The following NFE2L3 variants were observed in gnomAD, a reference collection of about 807,000 sequenced individuals.
The protein encoded by NFE2L3 is nuclear factor erythroid 2-related factor 3.
A neutral mutation model predicts 23.5 loss-of-function variants in NFE2L3; 18 were observed. That is an observed-to-expected ratio of 0.77 (90% CI 0.53 to 1.13). NFE2L3 has a LOEUF of 1.13. NFE2L3 is among the 50% of genes most tolerant of loss of function. The pLI, the probability that NFE2L3 is intolerant of heterozygous loss-of-function variation, is 0.00. For synonymous variants in NFE2L3, 424 were observed against 354.5 expected (o/e 1.20, Z -2.20); for missense variants, 1,152 against 877.2 (o/e 1.31, Z -3.96).
rs774330049 is a variant in NFE2L3, at chr7:26,185,423, A to G, written c.1725A>G (p.Gln575=). ...MLSRYYLTDL[Q]VSLIRDIRRR... ...GTAGATATTATCTGACAGACCTACA[A>G]GTCTCACTTATCCGTGACATCAGAC... Residue 575 remains glutamine (Q), a synonymous_variant, in exon 4 of 4, where the codon CAA becomes CAG. Coordinates refer to ENST00000056233, the MANE Select transcript of NFE2L3 (RefSeq NM_004289.7). The G allele has an allele frequency of 1.9e-6, 3 of 1,614,170 alleles. No homozygotes were observed. Among genetic ancestry groups the G allele is most frequent in the Non-Finnish European group, 1.7e-6 (2 of 1,180,000 alleles).
Position 26,185,295 on chromosome 7 carries a change from A to G in NFE2L3, c.1597A>G (p.Arg533Gly), listed in dbSNP as rs1782453129. 1.2e-6 allele frequency: 2 copies of G among 1,614,140 alleles called. No homozygotes were observed. The highest frequency in any genetic ancestry group is 2.2e-5 in the South Asian group (2 of 91,078). Residue 533 changes from arginine to glycine, a missense_variant, in exon 4 of 4, where the codon AGA (arginine) becomes GGA (glycine). Arg to Gly is a moderately radical substitution (Grantham distance 125). Coordinates refer to ENST00000056233, the MANE Select transcript of NFE2L3 (RefSeq NM_004289.7). ...GAGTAGATACCTTGAAGACACAGAT[A>G]GAAACTTGAGCCGTGATGAACAGCG... ...IRSRYLEDTD[R>G]NLSRDEQRAK...
chr7:26,166,362 T>G (rs1266457523), intron 1 of NFE2L3, among the ~76,000 whole-genome samples: 1 of 152,140 alleles, frequency 6.6e-6, no homozygotes, highest in Non-Finnish European at 1.5e-5. Context: ...TGCTCTAGCC[T>G]TCCCCTGGTG....
chr7:26,153,182 C>T (rs542602801), intron 1 of NFE2L3, 114 bp downstream of exon 1: 4 of 1,099,870 alleles, frequency 3.6e-6, no homozygotes, highest in African/African-American at 1.7e-5. Flanking sequence ...CACCCTTAGC[C>T]CCTGGTCTTT....
intron 1 of NFE2L3, among the ~76,000 whole-genome samples, chr7:26,177,414 C>T (rs1029832610): frequency 2.6e-5 from 4 of 152,308 alleles, no homozygotes; most frequent in East Asian, 1.9e-4. Flanking sequence ...CTGGCCAACA[C>T]GGCGAAACCC....
chr7:26,165,146 C>T (rs1300633809), intron 1 of NFE2L3, among the ~76,000 whole-genome samples: 3 of 152,050 alleles, frequency 2.0e-5, no homozygotes, highest in Admixed American at 2.0e-4. Flanking sequence ...TTTTTTGGTT[C>T]CATATGAACT....
intron 1 of NFE2L3, among the ~76,000 whole-genome samples, chr7:26,171,574 A>G (rs1196508960): frequency 1.3e-5 from 2 of 152,086 alleles, no homozygotes; most frequent in African/African-American, 4.8e-5. Context: ...GAAGCCAGTT[A>G]AATAAACTAT....
intron 1 of NFE2L3, among the ~76,000 whole-genome samples, chr7:26,167,480 C>G (rs1784266758): frequency 6.6e-6 from 1 of 151,970 alleles, no homozygotes. Flanking sequence ...CTAAGGGCCC[C>G]AGCTCACAAG....
rs1283194549 is a variant in NFE2L3, at chr7:26,184,560, C to T, written c.862C>T (p.Pro288Ser). The change falls in exon 4 of 4, where the codon CCA becomes TCA. Residue 288 changes from proline to serine, a missense_variant. Coordinates refer to ENST00000056233, the MANE Select transcript of NFE2L3 (RefSeq NM_004289.7). ...CATCTCATTGGGAGATATTCCTCTTCCAGGCAGTATCAGTGATGGCATGAA... is the reference window on the plus strand; with the variant it reads ...CATCTCATTGGGAGATATTCCTCTTTCAGGCAGTATCAGTGATGGCATGAA... ...EGISLGDIPL[P>S]GSISDGMNSS... The T allele has an allele frequency of 1.2e-6, 2 of 1,612,848 alleles. No individual in the cohort carries two copies. Among genetic ancestry groups the T allele is most frequent in the Non-Finnish European group, 1.7e-6 (2 of 1,179,238 alleles).
At position 26,152,811 on chromosome 7, in the gene NFE2L3, C is replaced by A; in HGVS notation, c.313C>A (p.Arg105Ser). Residue 105 changes from arginine (R) to serine (S), a missense_variant, in exon 1 of 4, where the codon CGC becomes AGC. Arg to Ser is a moderately radical substitution (Grantham distance 110). Transcript: ENST00000056233. The surrounding 1 kb of genome is among the most constrained non-coding windows in gnomAD (Gnocchi z 4.4). Reference sequence around the variant, plus strand: ...CGCGCTCGGGGTCCCCTTCGTCCCTCGCACCAGCGTGGATGCATGGCTGGT... The same window carrying A: ...CGCGCTCGGGGTCCCCTTCGTCCCTAGCACCAGCGTGGATGCATGGCTGGT... ...VRALGVPFVP[R>S]TSVDAWLVHS... 1 of 1,487,656 alleles carries A rather than the reference C, an allele frequency of 6.7e-7. No individual in the cohort carries two copies. The highest frequency in any genetic ancestry group is 2.9e-5 in the East Asian group (1 of 34,806). 92.2% of individuals were successfully genotyped at this position (1,487,656 alleles called of 1,614,324 possible).
rs1782476204 is a variant in NFE2L3, at chr7:26,185,995, A to ATGAAG, written c.*215_*219dup. The ATGAAG allele has an allele frequency of 2.2e-6, 1 of 462,010 alleles. No individual in the cohort carries two copies. Among genetic ancestry groups the ATGAAG allele is most frequent in the Admixed American group, 3.9e-5 (1 of 25,704 alleles). 28.6% of individuals were successfully genotyped at this position (462,010 alleles called of 1,614,324 possible). A position where few individuals can be genotyped will look rare whatever the true frequency, so the allele number is the denominator to read the frequency against. On this transcript the variant is annotated 3_prime_UTR_variant, in exon 4 of 4. Transcript: ENST00000056233. ...CAATCTGGGGGAGCCACAACTTTTC[A>ATGAAG]TGAAGTGCATTGTATACAAAATTCA...
rs1782432775 is a variant in NFE2L3 at position 26,184,633 on chromosome 7, A to AT, written c.936dup (p.Val313CysfsTer5). The stretch of plus-strand genomic sequence containing the variant: ...AACTTCAGCCAGGCTATAAGTCAGG[A>AT]TGTGAATCTTCATGAGGCCATCTTG... On this transcript the variant is annotated frameshift_variant, in exon 4 of 4. Transcript: ENST00000056233. LOFTEE classifies it low-confidence loss of function (END_TRUNC). 6.2e-7 allele frequency: 1 copy of AT among 1,613,958 alleles called. No individual in the cohort carries two copies. The highest frequency in any genetic ancestry group is 2.2e-5 in the East Asian group (1 of 44,866).
At chr7:26,178,796 G>T (rs1158185516) in intron 2 of NFE2L3, among the ~76,000 whole-genome samples, 1 of 152,130 alleles carries the variant, frequency 6.6e-6, no homozygotes, top group Non-Finnish European at 1.5e-5. Flanking sequence ...CACAAGCATG[G>T]CAAACAGGCA....
intron 1 of NFE2L3, among the ~76,000 whole-genome samples, chr7:26,172,711 A>G (rs969660925): frequency 3.3e-5 from 5 of 152,210 alleles, no homozygotes; most frequent in African/African-American, 1.2e-4. Flanking sequence ...GATTGAGATT[A>G]TGAATTTTTG....
chr7:26,170,208 C>G (rs1467708340), intron 1 of NFE2L3, among the ~76,000 whole-genome samples: 2 of 152,174 alleles, frequency 1.3e-5, no homozygotes, highest in African/African-American at 4.8e-5. Context: ...ACTGATGTGA[C>G]ATGGTCCCCA....
chr7:26,180,559 C>T (rs576095200), intron 2 of NFE2L3, among the ~76,000 whole-genome samples: 31 of 152,286 alleles, frequency 2.0e-4, no homozygotes, highest in African/African-American at 7.2e-4. Flanking sequence ...GCCCACTTCC[C>T]TGAGTATTCA....
intron 1 of NFE2L3, among the ~76,000 whole-genome samples, chr7:26,153,944 G>C (rs1462574535): frequency 6.6e-6 from 1 of 152,212 alleles, no homozygotes; most frequent in East Asian, 1.9e-4. Flanking sequence ...TTTAGTGTTT[G>C]CAACTGGTAA....
chr7:26,183,617 T>G (rs1047062022), intron 2 of NFE2L3, 84 bp from the exon 3 acceptor site: 38 of 797,686 alleles, frequency 4.8e-5, no homozygotes, highest in Admixed American at 1.2e-4. Flanking sequence ...AAATAATACC[T>G]GGTGATCCTT....
intron 3 of NFE2L3, 118 bp downstream of exon 3, chr7:26,183,902 A>G: frequency 1.4e-6 from 1 of 694,478 alleles, no homozygotes; most frequent in Admixed American, 2.4e-5. Flanking sequence ...TTATTTTTAC[A>G]GAAGCACTTC....
Position 26,153,947 on chromosome 7 carries a change from A to G in NFE2L3, c.570+879A>G, listed in dbSNP as rs1201750119. 2.0e-5 allele frequency among the ~76,000 whole-genome samples: 3 copies of G among 152,214 alleles called. 1 individual carries two copies. The highest frequency in any genetic ancestry group is 4.4e-5 in the Non-Finnish European group (3 of 68,036). ...CTTGGCTCAAACTTTAGTGTTTGCA[A>G]CTGGTAACGATCAACCAGTGGTGAT... On this transcript the variant is annotated intron_variant, in intron 1 of 3. Coordinates refer to ENST00000056233, the MANE Select transcript of NFE2L3 (RefSeq NM_004289.7).
Sources: allele counts gnomAD v4.1 joint callset (sites outside exome capture counted in the v4.1 genomes callset), GRCh38; gene constraint gnomAD v4.1.1; non-coding constraint Gnocchi (gnomAD v3.1); transcripts MANE v1.5; gene names NCBI Gene and HGNC (gene_info 2026-07-23, HGNC 2026-07-21).